The following AIG1 variants were observed in gnomAD, a reference collection of about 807,000 sequenced individuals.
AIG1 encodes androgen-induced gene 1 protein.
In AIG1, 23 loss-of-function variants were observed where a neutral mutation model predicts 31.4. That is an observed-to-expected ratio of 0.73 (90% confidence interval 0.53 to 1.04). The LOEUF (loss-of-function observed/expected upper bound fraction) is 1.04. Ranked by LOEUF, AIG1 falls within the 50% of genes least tolerant of loss-of-function variation. The pLI is 0.00. For synonymous variants in AIG1, 100 were observed against 110.5 expected, an observed-to-expected ratio of 0.90 and a Z score of 0.60; for missense variants, 274 against 295.0, an observed-to-expected ratio of 0.93 and a Z score of 0.52.
intron 3 of AIG1, among the ~76,000 whole-genome samples, chr6:143,218,822 C>T (rs746019395): frequency 6.6e-5 from 10 of 152,174 alleles, no homozygotes; most frequent in Non-Finnish European, 1.3e-4. Flanking sequence ...ACCCCTGATT[C>T]CATAGTTTTC....
chr6:143,192,877 T>C (rs1202426882), intron 3 of AIG1, among the ~76,000 whole-genome samples: 1 of 152,222 alleles, frequency 6.6e-6, no homozygotes, highest in African/African-American at 2.4e-5. Context: ...AGGGTGGATC[T>C]GGAGAGTGGA....
chr6:143,182,034 T>G (rs80006668), intron 3 of AIG1, among the ~76,000 whole-genome samples: 1,875 of 152,218 alleles, frequency 0.012, 40 homozygotes, highest in African/African-American at 0.04. Flanking sequence ...TTTTTTTTCT[T>G]TTTAAAGACA....
At position 143,279,273 on chromosome 6, in the gene AIG1, A is replaced by G. The variant is rs1797174785; in HGVS notation, c.400-4837A>G. Among the ~76,000 whole-genome samples the G allele has an allele frequency of 6.6e-6, 1 of 152,176 alleles. No individual in the cohort carries two copies. The highest frequency in any genetic ancestry group is 6.5e-5 in the Admixed American group (1 of 15,290). On this transcript the variant is annotated intron_variant, in intron 3 of 5. Coordinates refer to ENST00000357847, the MANE Select transcript of AIG1 (RefSeq NM_016108.4). This position sits in a 1 kb window ranked among gnomAD's most constrained non-coding sequence, Gnocchi z 5.4. ...GTGGGTCAGCCCTGGCATGTGTTAT[A>G]GCAAAACTCATTAGCTCTTCAGGAG...
At chr6:143,154,306 C>T (rs1016282066) in intron 2 of AIG1, among the ~76,000 whole-genome samples, 1 of 152,062 alleles carries the variant, frequency 6.6e-6, no homozygotes, top group African/African-American at 2.4e-5. Flanking sequence ...CTGGCCCATA[C>T]ATTGTTAAGA....
chr6:143,161,227 A>G (rs1786344017), intron 2 of AIG1, among the ~76,000 whole-genome samples: 1 of 152,216 alleles, frequency 6.6e-6, no homozygotes. Flanking sequence ...TATTTATTAA[A>G]GAAAATGAAT....
chr6:143,332,987 A>C (rs529538175), intron 4 of AIG1, among the ~76,000 whole-genome samples: 1 of 152,200 alleles, frequency 6.6e-6, no homozygotes, highest in Admixed American at 6.5e-5. Flanking sequence ...CTGTCATATC[A>C]ATGTTAATTT....
rs575266821 is a variant in AIG1 at position 143,229,241 on chromosome 6, G to A, written c.400-54869G>A. On this transcript the variant is annotated intron_variant, in intron 3 of 5. Coordinates refer to ENST00000357847, the MANE Select transcript of AIG1 (RefSeq NM_016108.4). ...GACTTTTGCCTCCAAAATGGAATTG[G>A]TTTGGAGACTTAAGTTGTAATTCTG... 2.0e-5 allele frequency among the ~76,000 whole-genome samples: 3 copies of A among 152,340 alleles called. No individual in the cohort carries two copies. The East Asian group carries it at 5.8e-4, about 29-fold the overall frequency.
At chr6:143,183,831 T>C (rs1187138767) in intron 3 of AIG1, among the ~76,000 whole-genome samples, 1 of 151,916 alleles carries the variant, frequency 6.6e-6, no homozygotes, top group African/African-American at 2.4e-5. Flanking sequence ...GGGGAGGGGG[T>C]GGTGGAAGGC....
intron 3 of AIG1, chr6:143,189,914 G>A (rs1458736136): frequency 3.7e-6 from 3 of 805,870 alleles, no homozygotes; most frequent in African/African-American, 3.7e-5. Context: ...TAGAGCCTGG[G>A]AAGTCCAAGA....
chr6:143,256,230 A>G lies in AIG1; in HGVS notation c.400-27880A>G, dbSNP rs1171729407. 5.3e-5 allele frequency among the ~76,000 whole-genome samples: 8 copies of G among 152,246 alleles called. No individual in the cohort carries two copies. Among genetic ancestry groups the G allele is most frequent in the Non-Finnish European group, 1.2e-4 (8 of 68,042 alleles). On this transcript the variant is annotated intron_variant, in intron 3 of 5. Coordinates refer to ENST00000357847, the MANE Select transcript of AIG1 (RefSeq NM_016108.4). The surrounding 1 kb of genome is among the most constrained non-coding windows in gnomAD (Gnocchi z 4.6). The stretch of plus-strand genomic sequence containing the variant: ...TAAGTCTATGTAATGTGTAGAGGAA[A>G]GCAGTGAAAACAACTGGCTGGGAAA...
In AIG1 at chr6:143,329,974, A is replaced by G. The variant is rs1776942139; in HGVS notation, c.516-3308A>G. Among the ~76,000 whole-genome samples, 2 of 152,208 alleles carry G rather than the reference A, an allele frequency of 1.3e-5. No individual in the cohort carries two copies. Among genetic ancestry groups the G allele is most frequent in the Admixed American group, 6.5e-5 (1 of 15,270 alleles). On this transcript the variant is annotated intron_variant, in intron 4 of 5. Transcript: ENST00000357847. The surrounding 1 kb of genome is among the most constrained non-coding windows in gnomAD (Gnocchi z 4.9). Reference sequence around the variant, plus strand: ...TCCCTACTCCTGACTTAAATTAAATATAGTGACAAAAAGCATAAAGATTTT... The same window carrying G: ...TCCCTACTCCTGACTTAAATTAAATGTAGTGACAAAAAGCATAAAGATTTT...
chr6:143,337,533 T>G (rs1342334449), intron 5 of AIG1, among the ~76,000 whole-genome samples: 1 of 152,232 alleles, frequency 6.6e-6, no homozygotes, highest in African/African-American at 2.4e-5. Context: ...ATTTCTTTAC[T>G]TAAGCTAAGA....
intron 4 of AIG1, among the ~76,000 whole-genome samples, chr6:143,314,893 T>C (rs775634424): frequency 7.9e-5 from 12 of 152,176 alleles, no homozygotes; most frequent in Admixed American, 6.6e-4. Context: ...CTTGGAGTTA[T>C]TTCTAAACAA....
At chr6:143,099,461 G>A (rs1279681043) in intron 1 of AIG1, 1 of 152,146 alleles carries the variant, frequency 6.6e-6, no homozygotes, top group African/African-American at 2.4e-5. Context: ...AGTTTTTAAA[G>A]CTAATTATAA....
intron 2 of AIG1, among the ~76,000 whole-genome samples, chr6:143,161,568 T>TAC (rs968891611): frequency 6.7e-5 from 10 of 149,594 alleles, no homozygotes; most frequent in East Asian, 3.9e-4. Flanking sequence ...TGTGTGTGTG[T>TAC]ACATATATAT....
chr6:143,217,806 A>G (rs1382782642), intron 3 of AIG1, among the ~76,000 whole-genome samples: 1 of 152,118 alleles, frequency 6.6e-6, no homozygotes, highest in African/African-American at 2.4e-5. Flanking sequence ...ACCACACCCG[A>G]CCACTTTCCA....
chr6:143,177,003 C>T (rs1351658796), intron 3 of AIG1, among the ~76,000 whole-genome samples: 5 of 152,152 alleles, frequency 3.3e-5, no homozygotes, highest in Non-Finnish European at 7.4e-5. Context: ...GCCATTTTTT[C>T]CCCCGCATTC....
chr6:143,273,020 T>C (rs767793791), intron 3 of AIG1, among the ~76,000 whole-genome samples: 1 of 152,256 alleles, frequency 6.6e-6, no homozygotes, highest in East Asian at 1.9e-4. Context: ...TCCCAGCTAC[T>C]TGGGAGGCTG....
rs1003232516 is a variant in AIG1, at chr6:143,292,066, A to G, written c.515+7841A>G. Among the ~76,000 whole-genome samples the G allele has an allele frequency of 2.0e-5, 3 of 152,202 alleles. No homozygotes were observed. The highest frequency in any genetic ancestry group is 7.2e-5 in the African/African-American group (3 of 41,454). On this transcript the variant is annotated intron_variant, in intron 4 of 5. Coordinates refer to ENST00000357847, the MANE Select transcript of AIG1 (RefSeq NM_016108.4). The surrounding 1 kb of genome is among the most constrained non-coding windows in gnomAD (Gnocchi z 4.9). ...AAATGGCGTTAATAGGATTCTGGAT[A>G]TATTTTGAAGGTAGGGTCAATAGGA...
Sources: allele counts gnomAD v4.1 joint callset (sites outside exome capture counted in the v4.1 genomes callset), GRCh38; gene constraint gnomAD v4.1.1; non-coding constraint Gnocchi (gnomAD v3.1); transcripts MANE v1.5; gene names NCBI Gene and HGNC (gene_info 2026-07-23, HGNC 2026-07-21).